Variants in ACSBG2 observed in about 807,000 individuals in gnomAD.
The protein encoded by ACSBG2 is acyl-CoA synthetase bubblegum family member 2.
ACSBG2 carries 62 observed loss-of-function variants against 74.7 expected under a neutral mutation model. The ratio of observed to expected loss-of-function variants is 0.83; its 90% CI spans 0.68 to 1.03. The LOEUF (loss-of-function observed/expected upper bound fraction) is 1.03. Ranked by LOEUF, ACSBG2 falls within the 50% of genes least tolerant of loss-of-function variation. The probability of loss-of-function intolerance (pLI) is 0.00; values close to 1 mark genes in which losing one functional copy is unlikely to be tolerated. For missense variants in ACSBG2, 730 were observed against 817.6 expected (o/e 0.89, Z 1.31); for synonymous variants, 309 against 294.1 (o/e 1.05, Z -0.52).
chr19:6,181,823 C>CCA (rs1555696915), intron 8 of ACSBG2, among the ~76,000 whole-genome samples: 2 of 131,560 alleles, frequency 1.5e-5, no homozygotes, highest in African/African-American at 2.8e-5. Context: ...GCCCCCCCCC[C>CCA]CAACGAAATT....
At chr19:6,161,378 C>A in intron 6 of ACSBG2, 83 bp downstream of exon 6, 1 of 1,357,222 alleles carries the variant, frequency 7.4e-7, no homozygotes. Context: ...GGAAGGTGAG[C>A]AGAGGGAGGA....
rs538552615 is a variant in ACSBG2, at chr19:6,162,245, AC to A, written c.588+951del. 7.2e-3 allele frequency among the ~76,000 whole-genome samples: 983 copies of A among 135,950 alleles called. 6 individuals carry two copies. The highest frequency in any genetic ancestry group is 0.01 in the Non-Finnish European group (649 of 63,736). 89.2% of individuals were successfully genotyped at this position (135,950 alleles called of 152,430 possible). On this transcript the variant is annotated intron_variant, in intron 6 of 14. Coordinates refer to ENST00000588485, the MANE Select transcript of ACSBG2 (RefSeq NM_030924.5). The stretch of plus-strand genomic sequence containing the variant: ...CACACCACTGCACTCCAGCCTGGCA[AC>A]AGAGTGAGACTCTGTCTCAAAAAAA...
chr19:6,140,852 T>C (rs2088800835), intron 1 of ACSBG2, among the ~76,000 whole-genome samples: 1 of 152,220 alleles, frequency 6.6e-6, no homozygotes, highest in Non-Finnish European at 1.5e-5. Context: ...TTCTGTTGTA[T>C]TTCTCATAGG....
chr19:6,187,288 C>T lies in ACSBG2; in HGVS notation c.1546C>T (p.Leu516Phe), dbSNP rs750082522. ...CAAGCCAAGCTCTGTTCCAGAAATCCTTATCACTGCTGGTGGTGAAAATGT... is the reference window on the plus strand; with the variant it reads ...CAAGCCAAGCTCTGTTCCAGAAATCTTTATCACTGCTGGTGGTGAAAATGT... ...LYVTGHIKEILITAGGENVPP... is the reference protein window; with the variant it reads ...LYVTGHIKEIFITAGGENVPP... Residue 516 changes from leucine (L) to phenylalanine (F), a missense_variant, in exon 12 of 15, where the codon CTT (leucine) becomes TTT (phenylalanine). Coordinates refer to ENST00000588485, the MANE Select transcript of ACSBG2 (RefSeq NM_030924.5). The T allele has an allele frequency of 6.2e-7, 1 of 1,614,094 alleles. No individual in the cohort carries two copies. The highest frequency in any genetic ancestry group is 8.5e-7 in the Non-Finnish European group (1 of 1,180,000).
At chr19:6,167,488 G>A (rs761188798) in intron 7 of ACSBG2, among the ~76,000 whole-genome samples, 1 of 149,982 alleles carries the variant, frequency 6.7e-6, no homozygotes, top group Non-Finnish European at 1.5e-5. Context: ...TGGGTCTGGA[G>A]GTCCCGATCC....
chr19:6,158,044 A>G (rs146809331), intron 5 of ACSBG2, among the ~76,000 whole-genome samples: 4 of 139,440 alleles, frequency 2.9e-5, no homozygotes, highest in African/African-American at 1.1e-4. Context: ...GTTTGGTTAC[A>G]ATTTTCTTTT....
Position 6,147,645 on chromosome 19 carries a change from T to G in ACSBG2, c.267T>G (p.Ala89=). The G allele has an allele frequency of 6.2e-7, 1 of 1,614,218 alleles. No homozygotes were observed. Among genetic ancestry groups the G allele is most frequent in the Non-Finnish European group, 8.5e-7 (1 of 1,180,038 alleles). Reference sequence around the variant, plus strand: ...TGAATTTCAACCAGTACTATGAGGCTTGTCGGAAGGCTGCAAAATCCTTGA... The same window carrying G: ...TGAATTTCAACCAGTACTATGAGGCGTGTCGGAAGGCTGCAAAATCCTTGA... ...EILNFNQYYE[A]CRKAAKSLIK... The change falls in exon 3 of 15, where the codon GCT becomes GCG. Residue 89 remains alanine, a synonymous_variant. Transcript: ENST00000588485.
At chr19:6,144,947 C>T (rs779865648) in intron 2 of ACSBG2, among the ~76,000 whole-genome samples, 11 of 151,980 alleles carry the variant, frequency 7.2e-5, no homozygotes, top group African/African-American at 2.7e-4. Flanking sequence ...CTGCCGGCGT[C>T]GGCCTCCCAA....
At chr19:6,151,113 CA>C (rs1332726831) in intron 3 of ACSBG2, among the ~76,000 whole-genome samples, 3,527 of 58,934 alleles carry the variant, frequency 0.06, 90 homozygotes, top group African/African-American at 0.18. Context: ...GACTCTGTCT[CA>C]AAAAAAAAAA....
intron 5 of ACSBG2, among the ~76,000 whole-genome samples, chr19:6,156,951 C>CT (rs530844999): frequency 1.2e-4 from 17 of 146,794 alleles, no homozygotes; most frequent in South Asian, 2.2e-4. Context: ...GTCAGGCTAA[C>CT]TTTTTTTTTT....
chr19:6,144,471 C>A (rs2145012921), intron 2 of ACSBG2, among the ~76,000 whole-genome samples: 1 of 152,258 alleles, frequency 6.6e-6, no homozygotes, highest in East Asian at 1.9e-4. Context: ...TCAAGGATTG[C>A]CGGCAACCGC....
chr19:6,136,993 G>C (rs2088596512), intron 1 of ACSBG2, among the ~76,000 whole-genome samples: 1 of 152,100 alleles, frequency 6.6e-6, no homozygotes, highest in Non-Finnish European at 1.5e-5. Flanking sequence ...TTTGTGAACT[G>C]CCTGTTTACA....
At chr19:6,166,558 C>T (rs2089815916) in intron 7 of ACSBG2, among the ~76,000 whole-genome samples, 1 of 152,140 alleles carries the variant, frequency 6.6e-6, no homozygotes, top group African/African-American at 2.4e-5. Flanking sequence ...AGGTGATCCA[C>T]CGCCTTGGCC....
chr19:6,185,379 G>A (rs1221736851), intron 10 of ACSBG2, 57 bp from the exon 11 acceptor site: 16 of 1,578,774 alleles, frequency 1.0e-5, no homozygotes, highest in African/African-American at 1.3e-5. Context: ...TCCAGGCAGA[G>A]CTGGGTGGCT....
chr19:6,147,585 C>T lies in ACSBG2; in HGVS notation c.207C>T (p.Ala69=), dbSNP rs756668627. 1.9e-6 allele frequency: 3 copies of T among 1,614,112 alleles called. No individual in the cohort carries two copies. The highest frequency in any genetic ancestry group is 3.3e-5 in the Admixed American group (2 of 60,000). ...TCAACCGATTTGGAACTTATCCAGC[C>T]CTCGCATCCAAGAATGGCAAAAAGT... The part of the protein sequence containing the change: ...ESVNRFGTYP[A]LASKNGKKWE... The change falls in exon 3 of 15, where the codon GCC becomes GCT. Residue 69 remains alanine, a synonymous_variant. Transcript: ENST00000588485.
chr19:6,174,951 G>T lies in ACSBG2; in HGVS notation c.739-2278G>T, dbSNP rs1259554811. On this transcript the variant is annotated intron_variant, in intron 7 of 14. Transcript: ENST00000588485. This position sits in a 1 kb window ranked among gnomAD's most constrained non-coding sequence, Gnocchi z 4.2. ...TTTTAACTCCCCACTAAAACCCCAC[G>T]AGGAAAATTTTGTCACTAACCCTTT... 6.6e-6 allele frequency among the ~76,000 whole-genome samples: 1 copy of T among 152,164 alleles called. No homozygotes were observed. The highest frequency in any genetic ancestry group is 6.5e-5 in the Admixed American group (1 of 15,278).
chr19:6,176,213 AT>A, intron 7 of ACSBG2: 1 of 1,053,594 alleles, frequency 9.5e-7, no homozygotes, highest in Non-Finnish European at 1.3e-6. Flanking sequence ...ATTAACAACC[AT>A]CTACTCACCT....
chr19:6,159,114 C>T (rs1054790706), intron 5 of ACSBG2, among the ~76,000 whole-genome samples: 7 of 152,128 alleles, frequency 4.6e-5, no homozygotes, highest in African/African-American at 1.7e-4. Context: ...CACACCACCA[C>T]ACCGGGCTAA....
chr19:6,138,861 G>T (rs763684656), intron 1 of ACSBG2, among the ~76,000 whole-genome samples: 62 of 152,096 alleles, frequency 4.1e-4, no homozygotes, highest in Non-Finnish European at 7.4e-4. Flanking sequence ...GGTGAATTAA[G>T]GATGACTTTG....
Sources: gnomAD v4.1 joint callset for allele counts (sites outside exome capture counted in the v4.1 genomes callset) on GRCh38, gnomAD v4.1.1 for gene constraint, Gnocchi (gnomAD v3.1) non-coding constraint, MANE v1.5 for transcripts, NCBI Gene and HGNC (gene_info 2026-07-23, HGNC 2026-07-21) for gene names.